CHCHD6: variants seen among roughly 807,000 people sequenced by gnomAD.
CHCHD6 encodes the protein coiled-coil-helix-coiled-coil-helix domain containing 6.
A neutral mutation model predicts 32.3 loss-of-function variants in CHCHD6; 28 were observed. That is an observed-to-expected ratio of 0.87 (90% confidence interval 0.64 to 1.19). The LOEUF (loss-of-function observed/expected upper bound fraction) is 1.19, where lower values mean the gene tolerates loss of function less well. Among genes scored for constraint, CHCHD6 ranks in the 50% most tolerant of loss-of-function variants. The pLI is 0.00. For synonymous variants in CHCHD6, 122 were observed against 117.5 expected, an observed-to-expected ratio of 1.04 and a Z score of -0.25; for missense variants, 333 against 307.0, an observed-to-expected ratio of 1.08 and a Z score of -0.63.
intron 2 of CHCHD6, among the ~76,000 whole-genome samples, chr3:126,729,708 C>A (rs531078929): frequency 6.6e-5 from 10 of 152,086 alleles, no homozygotes; most frequent in Admixed American, 5.2e-4. Flanking sequence ...AAGTGCCCCC[C>A]GAAGGATCCC....
At chr3:126,855,360 G>A (rs998991277) in intron 5 of CHCHD6, among the ~76,000 whole-genome samples, 9 of 152,190 alleles carry the variant, frequency 5.9e-5, no homozygotes, top group African/African-American at 1.9e-4. Context: ...AGATGCTAAT[G>A]CTTTCTGCTG....
intron 5 of CHCHD6, among the ~76,000 whole-genome samples, chr3:126,857,001 C>G (rs920587230): frequency 5.3e-5 from 8 of 152,324 alleles, no homozygotes; most frequent in African/African-American, 1.9e-4. Flanking sequence ...ATCAGAGTAC[C>G]TGACCTTAGT....
At chr3:126,813,974 A>G (rs184350464) in intron 4 of CHCHD6, among the ~76,000 whole-genome samples, 1 of 152,328 alleles carries the variant, frequency 6.6e-6, no homozygotes, top group Admixed American at 6.5e-5. Context: ...CCAACTCAGT[A>G]TTTATGGAGT....
chr3:126,751,570 A>G (rs1390075114), intron 4 of CHCHD6, among the ~76,000 whole-genome samples: 1 of 150,384 alleles, frequency 6.6e-6, no homozygotes, highest in Non-Finnish European at 1.5e-5. Context: ...CCTCTAGGGT[A>G]GCCCAGATTC....
At chr3:126,879,414 G>C (rs1219249298) in intron 5 of CHCHD6, among the ~76,000 whole-genome samples, 1 of 152,214 alleles carries the variant, frequency 6.6e-6, no homozygotes, top group African/African-American at 2.4e-5. Context: ...GGGATGCATT[G>C]AGAAGGGCAC....
intron 4 of CHCHD6, among the ~76,000 whole-genome samples, chr3:126,735,475 C>T (rs1281162824): frequency 4.6e-5 from 7 of 152,222 alleles, no homozygotes; most frequent in South Asian, 2.1e-4. Context: ...GCTCAGCGTT[C>T]ATTTCTCAAT....
At chr3:126,899,048 AG>A (rs768213656) in intron 5 of CHCHD6, among the ~76,000 whole-genome samples, 2 of 152,152 alleles carry the variant, frequency 1.3e-5, no homozygotes, top group South Asian at 4.1e-4. Context: ...ACTGACTCTG[AG>A]GGTCTTGGGC....
chr3:126,814,003 GA>G (rs1265487079), intron 4 of CHCHD6, among the ~76,000 whole-genome samples: 1 of 152,214 alleles, frequency 6.6e-6, no homozygotes, highest in Non-Finnish European at 1.5e-5. Context: ...GAGCTCCCCA[GA>G]GGAACCCAGC....
At chr3:126,751,586 C>T (rs1936722385) in intron 4 of CHCHD6, among the ~76,000 whole-genome samples, 1 of 151,480 alleles carries the variant, frequency 6.6e-6, no homozygotes, top group South Asian at 2.1e-4. Context: ...GATTCTGCTC[C>T]TTTGCTGGGG....
intron 5 of CHCHD6, among the ~76,000 whole-genome samples, chr3:126,914,475 C>T (rs547420102): frequency 2.0e-5 from 3 of 152,346 alleles, no homozygotes; most frequent in South Asian, 2.1e-4. Flanking sequence ...GATCTCATAA[C>T]GCACTTGCAG....
chr3:126,957,505 C>A lies in CHCHD6; in HGVS notation c.656C>A (p.Ser219Ter). 1 of 1,593,766 alleles carries A rather than the reference C, an allele frequency of 6.3e-7. No individual in the cohort carries two copies. Among genetic ancestry groups the A allele is most frequent in the Non-Finnish European group, 8.5e-7 (1 of 1,170,412 alleles). ...RDRPHEVLLCSDLVKAYQRCV... is the reference protein window; with the variant it reads ...RDRPHEVLLC The stretch of plus-strand genomic sequence containing the variant: ...CGCCCGCATGAGGTGCTGCTGTGCT[C>A]GGACCTGGTCAAGGCATACCAGCGC... The change falls in exon 7 of 8, where the codon TCG becomes TAG. Residue 219 changes from serine (S) to a stop codon, truncating the protein, a stop_gained. Transcript: ENST00000290913. LOFTEE classifies it high-confidence loss of function.
At position 126,899,584 on chromosome 3, in the gene CHCHD6, G is replaced by A. The variant is rs138299196; in HGVS notation, c.496-15096G>A. On this transcript the variant is annotated intron_variant, in intron 5 of 7. Transcript: ENST00000290913. ...TACATACACCATCCTCCTCTCTATC[G>A]TGGTTGCTTTAGATGACACAGCCCA... 4.5e-3 allele frequency among the ~76,000 whole-genome samples: 682 copies of A among 152,230 alleles called. 3 individuals carry two copies. Among genetic ancestry groups the A allele is most frequent in the African/African-American group, 0.014 (567 of 41,538 alleles).
At chr3:126,937,828 T>G (rs1029436631) in intron 6 of CHCHD6, among the ~76,000 whole-genome samples, 1 of 151,612 alleles carries the variant, frequency 6.6e-6, no homozygotes, top group African/African-American at 2.4e-5. Flanking sequence ...GGCTGGAGGG[T>G]GTGGGGGGAG....
At position 126,954,390 on chromosome 3, in the gene CHCHD6, A is replaced by T. The variant is rs532474453; in HGVS notation, c.567-3026A>T. 3.9e-5 allele frequency among the ~76,000 whole-genome samples: 6 copies of T among 152,342 alleles called. No homozygotes were observed. The South Asian group carries it at 1.2e-3, about 32-fold the overall frequency. On this transcript the variant is annotated intron_variant, in intron 6 of 7. Coordinates refer to ENST00000290913, the MANE Select transcript of CHCHD6 (RefSeq NM_032343.3). ...CAAATGTGGCTGTGTCTTCCTGCACATCGCCATTCTGCAAAGTGTCGGCGT... is the reference window on the plus strand; with the variant it reads ...CAAATGTGGCTGTGTCTTCCTGCACTTCGCCATTCTGCAAAGTGTCGGCGT...
intron 4 of CHCHD6, among the ~76,000 whole-genome samples, chr3:126,782,762 G>C (rs569101044): frequency 2.6e-5 from 4 of 152,282 alleles, no homozygotes; most frequent in African/African-American, 9.6e-5. Flanking sequence ...GCAGTGGAGG[G>C]TGGAGCACTT....
Position 126,808,883 on chromosome 3 carries a change from C to G in CHCHD6, c.412-43764C>G, listed in dbSNP as rs374190613. On this transcript the variant is annotated intron_variant, in intron 4 of 7. Transcript: ENST00000290913. ...TTTCTAAGGCTTTGGCTAATTTTCT[C>G]AAAACACTCTCATAATAAGCAGATG... 2.4e-4 allele frequency among the ~76,000 whole-genome samples: 36 copies of G among 152,250 alleles called. No individual in the cohort carries two copies. In the East Asian group the frequency reaches 5.6e-3, roughly 24 times the overall value.
In CHCHD6 at chr3:126,935,523, A is replaced by G. The variant is rs150718080; in HGVS notation, c.566+20773A>G. ...CTGGGGCTGGTGAGTGCAGAGTGGGATAGCTATTGTAACAGAAAGGCGTTC... is the reference window on the plus strand; with the variant it reads ...CTGGGGCTGGTGAGTGCAGAGTGGGGTAGCTATTGTAACAGAAAGGCGTTC... On this transcript the variant is annotated intron_variant, in intron 6 of 7. Transcript: ENST00000290913. 1.9e-3 allele frequency among the ~76,000 whole-genome samples: 292 copies of G among 152,346 alleles called. 1 individual carries two copies. The highest frequency in any genetic ancestry group is 6.5e-3 in the African/African-American group (272 of 41,578).
At chr3:126,803,481 G>A (rs539390130) in intron 4 of CHCHD6, among the ~76,000 whole-genome samples, 2,705 of 152,068 alleles carry the variant, frequency 0.018, 31 homozygotes, top group Middle Eastern at 0.051. Context: ...CCATTACATA[G>A]TGGTAAAGGG....
rs1426664477 is a variant in CHCHD6, at chr3:126,824,973, T to A, written c.412-27674T>A. ...TGTCTTCTATTCTCTTTGGCATTAT[T>A]TTGCTGTTCTTTTTCTAACTTCTCA... On this transcript the variant is annotated intron_variant, in intron 4 of 7. Transcript: ENST00000290913. Among the ~76,000 whole-genome samples the A allele has an allele frequency of 1.8e-4, 28 of 152,224 alleles. 2 individuals carry two copies. Among genetic ancestry groups the A allele is most frequent in the Admixed American group, 1.8e-3 (28 of 15,284 alleles).
Sources: gnomAD v4.1 joint callset for allele counts (sites outside exome capture counted in the v4.1 genomes callset) on GRCh38, gnomAD v4.1.1 for gene constraint, MANE v1.5 for transcripts, NCBI Gene and HGNC (gene_info 2026-07-23, HGNC 2026-07-21) for gene names.